Variants in GCLC observed in about 807,000 individuals in gnomAD.
GCLC encodes the protein glutamate--cysteine ligase catalytic subunit.
In GCLC, 30 loss-of-function variants were observed where a neutral mutation model predicts 81.5. The observed-to-expected ratio is 0.37, with a 90% confidence interval of 0.28 to 0.50. The LOEUF is 0.50. Among genes scored for constraint, GCLC ranks in the 20% least tolerant of loss-of-function variants. The pLI is 0.96. For missense variants in GCLC, 556 were observed against 777.4 expected (o/e 0.72, Z 3.39); for synonymous variants, 262 against 273.3 (o/e 0.96, Z 0.41).
intron 1 of GCLC, among the ~76,000 whole-genome samples, chr6:53,525,073 A>G (rs977297127): frequency 5.3e-5 from 8 of 152,242 alleles, no homozygotes; most frequent in East Asian, 3.8e-4. Context: ...ACCAAATGAG[A>G]AAGAAAACCA....
At chr6:53,503,473 G>A (rs1436966036) in intron 12 of GCLC, 1 of 152,148 alleles carries the variant, frequency 6.6e-6, no homozygotes, top group Non-Finnish European at 1.5e-5. Context: ...AGAATCACCT[G>A]AAATTTAAAG....
At chr6:53,541,145 A>G (rs1763346915) in intron 1 of GCLC, among the ~76,000 whole-genome samples, 1 of 152,178 alleles carries the variant, frequency 6.6e-6, no homozygotes, top group South Asian at 2.1e-4. Flanking sequence ...GAACTCTGGG[A>G]GGCGGAGGTT....
At chr6:53,528,041 A>T (rs899022326) in intron 1 of GCLC, among the ~76,000 whole-genome samples, 3 of 151,852 alleles carry the variant, frequency 2.0e-5, no homozygotes. Flanking sequence ...GTAATGACAA[A>T]TTTTTTTTTA....
intron 6 of GCLC, among the ~76,000 whole-genome samples, chr6:53,512,159 T>G (rs1380490595): frequency 6.6e-6 from 1 of 151,850 alleles, no homozygotes; most frequent in African/African-American, 2.4e-5. Flanking sequence ...TGACCAGGCT[T>G]GTCTCAAACT....
Position 53,517,256 on chromosome 6 carries a change from T to G in GCLC, c.447-1034A>C, listed in dbSNP as rs1426712040. ...CATGAGTCACTGTACCAAGTTTTTT[T>G]TTTTTTTTTTTTTTTTTTTTTCCAG... On this transcript the variant is annotated intron_variant, in intron 3 of 15. Transcript: ENST00000650454. 1.7e-3 allele frequency among the ~76,000 whole-genome samples: 149 copies of G among 90,218 alleles called. 1 individual carries two copies. The highest frequency in any genetic ancestry group is 6.2e-3 in the African/African-American group (143 of 23,084). The allele number at this position is 90,218 out of a possible 152,430, so 59.2% of individuals were successfully genotyped here.
At chr6:53,544,216 T>C (rs1763406338) in intron 1 of GCLC, among the ~76,000 whole-genome samples, 1 of 152,230 alleles carries the variant, frequency 6.6e-6, no homozygotes, top group Admixed American at 6.5e-5. Context: ...TGTCACTTTT[T>C]CATGCTCACG....
chr6:53,516,032 T>C, intron 4 of GCLC, 77 bp downstream of exon 4: 1 of 890,526 alleles, frequency 1.1e-6, no homozygotes, highest in Non-Finnish European at 1.9e-6. Flanking sequence ...AAAGGATTTC[T>C]AGACAGAAAT....
At chr6:53,517,221 G>C (rs969980494) in intron 3 of GCLC, among the ~76,000 whole-genome samples, 2 of 146,422 alleles carry the variant, frequency 1.4e-5, no homozygotes, top group Non-Finnish European at 3.0e-5. Flanking sequence ...TGAGTAGCTG[G>C]GATTACAGGC....
At chr6:53,541,712 A>G (rs1216677183) in intron 1 of GCLC, among the ~76,000 whole-genome samples, 1 of 152,260 alleles carries the variant, frequency 6.6e-6, no homozygotes, top group African/African-American at 2.4e-5. Flanking sequence ...TAAAAGCAGC[A>G]TTTCAAATGA....
intron 9 of GCLC, 67 bp downstream of exon 9, chr6:53,507,413 A>T (rs1436577566): frequency 7.1e-6 from 11 of 1,557,282 alleles, no homozygotes; most frequent in Non-Finnish European, 8.8e-6. Context: ...TCAGCAAAAA[A>T]GTGTAAAAGA....
intron 12 of GCLC, among the ~76,000 whole-genome samples, chr6:53,502,664 T>A (rs1581727649): frequency 6.6e-6 from 1 of 152,398 alleles, no homozygotes; most frequent in African/African-American, 2.4e-5. Context: ...ATGCAGCTCT[T>A]GTCGGCATCT....
chr6:53,507,449 T>G (rs1264226407), intron 9 of GCLC, 31 bp downstream of exon 9: 7 of 1,611,132 alleles, frequency 4.3e-6, no homozygotes, highest in Non-Finnish European at 5.9e-6. Context: ...AGGCGTACAT[T>G]CAAACCCAGA....
chr6:53,537,926 AC>A (rs1763283708), intron 1 of GCLC, among the ~76,000 whole-genome samples: 1 of 151,894 alleles, frequency 6.6e-6, no homozygotes, highest in South Asian at 2.1e-4. Context: ...AATCTCAATA[AC>A]CCTGCAAGGA....
At position 53,522,508 on chromosome 6, in the gene GCLC, G is replaced by T. The variant is rs779517799; in HGVS notation, c.170C>A (p.Ser57Tyr). Reference protein sequence around the residue: ...WGDEVEYMLVSFDHENKKVRL... With the variant: ...WGDEVEYMLVYFDHENKKVRL... ...GACTTTTTTATTTTCATGATCAAAA[G>T]ATACCAACATGTATTCCACCTATTG... Residue 57 changes from serine (S) to tyrosine (Y), a missense_variant, in exon 2 of 16, where the codon TCT becomes TAT. Transcript: ENST00000650454. The T allele has an allele frequency of 1.2e-6, 2 of 1,603,504 alleles. No homozygotes were observed. Among genetic ancestry groups the T allele is most frequent in the Non-Finnish European group, 1.7e-6 (2 of 1,170,570 alleles).
At chr6:53,541,129 T>C (rs1763346635) in intron 1 of GCLC, among the ~76,000 whole-genome samples, 1 of 152,118 alleles carries the variant, frequency 6.6e-6, no homozygotes, top group African/African-American at 2.4e-5. Context: ...GGCAGGAGAA[T>C]CACTTGAACT....
intron 2 of GCLC, 128 bp from the exon 3 acceptor site, chr6:53,521,088 A>C: frequency 9.2e-6 from 7 of 758,338 alleles, no homozygotes; most frequent in South Asian, 8.6e-5. Context: ...AGTCCTTCAC[A>C]GTTCTCAGTG....
intron 12 of GCLC, chr6:53,500,887 CGAAGGCA>C (rs1218791203): frequency 1.8e-5 from 6 of 339,994 alleles, no homozygotes; most frequent in Admixed American, 9.1e-5. Flanking sequence ...CCCAGGGTAA[CGAAGGCA>C]GAAGGCAGGA....
At chr6:53,533,453 C>T (rs1763205634) in intron 1 of GCLC, among the ~76,000 whole-genome samples, 1 of 152,202 alleles carries the variant, frequency 6.6e-6, no homozygotes, top group Non-Finnish European at 1.5e-5. Flanking sequence ...ATTCTTCCTA[C>T]ACACAGCAAT....
At chr6:53,539,006 G>A (rs1763307490) in intron 1 of GCLC, among the ~76,000 whole-genome samples, 1 of 152,178 alleles carries the variant, frequency 6.6e-6, no homozygotes, top group Non-Finnish European at 1.5e-5. Context: ...CTGATGATAT[G>A]TCTGCCACTA....
Sources: gnomAD v4.1 joint callset for allele counts (sites outside exome capture counted in the v4.1 genomes callset) on GRCh38, gnomAD v4.1.1 for gene constraint, MANE v1.5 for transcripts, NCBI Gene and HGNC (gene_info 2026-07-23, HGNC 2026-07-21) for gene names.